MCM5: variants seen among roughly 807,000 people sequenced by gnomAD.
MCM5 encodes the protein DNA replication licensing factor MCM5.
MCM5 carries 46 observed loss-of-function variants against 79.9 expected under a neutral mutation model. That is an observed-to-expected ratio of 0.58 (90% CI 0.45 to 0.74). MCM5 has a LOEUF of 0.74. Among genes scored for constraint, MCM5 ranks in the 30% least tolerant of loss-of-function variants. The pLI is 0.00. For missense variants in MCM5, 883 were observed against 1,017.0 expected, an observed-to-expected ratio of 0.87 and a Z score of 1.79; for synonymous variants, 404 against 390.5, an observed-to-expected ratio of 1.03 and a Z score of -0.41.
chr22:35,449,568 G>A, the MCM5 span, among the ~76,000 whole-genome samples: 4 of 110,410 alleles, frequency 3.6e-5, no homozygotes, highest in African/African-American at 5.6e-5. Context: ...CTTTGTCCCA[G>A]CTGTGGCCTC....
intron 15 of MCM5, 82 bp from the exon 16 acceptor site, chr22:35,423,132 C>G (rs1932735836): frequency 2.1e-6 from 3 of 1,438,770 alleles, no homozygotes; most frequent in Non-Finnish European, 2.8e-6. Context: ...TCAGGCTGTT[C>G]TTCCTTGGGC....
intron 2 of MCM5, among the ~76,000 whole-genome samples, chr22:35,401,012 G>T (rs1932030795): frequency 6.6e-6 from 1 of 152,076 alleles, no homozygotes; most frequent in African/African-American, 2.4e-5. Flanking sequence ...TAGAGATGGG[G>T]TTTCGCCATG....
chr22:35,448,088 C>T, the MCM5 span, among the ~76,000 whole-genome samples: 1 of 152,158 alleles, frequency 6.6e-6, no homozygotes, highest in Non-Finnish European at 1.5e-5. Flanking sequence ...CTCATGTCTG[C>T]TGATGTTTAC....
chr22:35,406,017 AAAAAAAG>A (rs1366749344), intron 4 of MCM5, among the ~76,000 whole-genome samples: 13 of 152,104 alleles, frequency 8.5e-5, no homozygotes, highest in East Asian at 1.9e-4. Flanking sequence ...TCTCAAAAAA[AAAAAAAG>A]AAAAAAGAAA....
chr22:35,421,599 T>C (rs1249008923), intron 15 of MCM5, 139 bp downstream of exon 15: 2 of 1,228,464 alleles, frequency 1.6e-6, no homozygotes, highest in African/African-American at 3.0e-5. Flanking sequence ...TGAGTTTCTT[T>C]TTGCCATAAG....
chr22:35,411,199 A>T, intron 7 of MCM5: 1 of 253,010 alleles, frequency 4.0e-6, no homozygotes, highest in Non-Finnish European at 7.7e-6. Flanking sequence ...TGTGACAGGA[A>T]ATACAAGAGA....
At chr22:35,430,543 C>T in the MCM5 span, among the ~76,000 whole-genome samples, 3 of 150,378 alleles carry the variant, frequency 2.0e-5, no homozygotes, top group African/African-American at 7.3e-5. Flanking sequence ...CTCTGTCGCC[C>T]AGGCTAGAGT....
At chr22:35,446,836 T>TG in the MCM5 span, among the ~76,000 whole-genome samples, 2 of 7,808 alleles carry the variant, frequency 2.6e-4, no homozygotes, top group Non-Finnish European at 6.4e-4. Flanking sequence ...CTTTTCTGAA[T>TG]GGGGGGGTTT....
At chr22:35,438,154 C>T in the MCM5 span, among the ~76,000 whole-genome samples, 1 of 152,122 alleles carries the variant, frequency 6.6e-6, no homozygotes, top group Non-Finnish European at 1.5e-5. Context: ...AATAACCCTG[C>T]TCTTAGCCTG....
At chr22:35,425,755 C>T (rs767969565), downstream of MCM5, among the ~76,000 whole-genome samples, 1 of 151,914 alleles carries the variant, frequency 6.6e-6, no homozygotes, top group Non-Finnish European at 1.5e-5. Context: ...AAGGTCCTCC[C>T]GTCCTGCTTG....
chr22:35,424,365 A>C lies in MCM5; in HGVS notation c.*110A>C. 1 of 769,712 alleles carries C rather than the reference A, an allele frequency of 1.3e-6. No individual in the cohort carries two copies. Among genetic ancestry groups the C allele is most frequent in the South Asian group, 1.8e-5 (1 of 54,862 alleles). The allele number at this position is 769,712 out of a possible 1,614,324, so 47.7% of individuals were successfully genotyped here. A position where few individuals can be genotyped will look rare whatever the true frequency, so the allele number is the denominator to read the frequency against. On this transcript the variant is annotated 3_prime_UTR_variant, in exon 17 of 17. Transcript: ENST00000216122. ...TCTGCCTCCCCACTGCAGCCCTCGA[A>C]CTTCCCAGGCACCCTCCTTTCTGCC...
chr22:35,408,727 TCTCATC>T (rs1175954911), intron 6 of MCM5, among the ~76,000 whole-genome samples, 164 bp downstream of exon 6: 1 of 152,234 alleles, frequency 6.6e-6, no homozygotes, highest in East Asian at 1.9e-4. Context: ...CATAAGTTCC[TCTCATC>T]TCGTCTTTCC....
the MCM5 span, among the ~76,000 whole-genome samples, chr22:35,448,354 G>A: frequency 9.9e-5 from 15 of 151,968 alleles, no homozygotes; most frequent in South Asian, 2.1e-4. Flanking sequence ...CCTCTGGACC[G>A]TGGTGGGAGC....
In MCM5 at chr22:35,400,546, G is replaced by A. The variant is rs769944763; in HGVS notation, c.108G>A (p.Lys36=). ...AATCGCAGCTGCAGAGGCGCTTCAA[G>A]GAGTTCCTGCGGCAGTACCGAGTGG... The part of the protein sequence containing the change: ...ARKSQLQRRF[K]EFLRQYRVGT... Residue 36 remains lysine, a synonymous_variant, in exon 2 of 17, where the codon AAG becomes AAA. Transcript: ENST00000216122. 3.1e-6 allele frequency: 5 copies of A among 1,614,022 alleles called. No individual in the cohort carries two copies. Among genetic ancestry groups the A allele is most frequent in the Middle Eastern group, 1.7e-4 (1 of 6,060 alleles).
chr22:35,423,385 A>C, intron 16 of MCM5, 44 bp downstream of exon 16: 1 of 1,550,442 alleles, frequency 6.4e-7, no homozygotes, highest in East Asian at 2.4e-5. Flanking sequence ...CACGGGGTGC[A>C]GGTCTTCTGC....
chr22:35,406,601 G>C lies in MCM5; in HGVS notation c.472G>C (p.Ala158Pro), dbSNP rs765048936. The C allele has an allele frequency of 1.2e-5, 20 of 1,613,568 alleles. No individual in the cohort carries two copies. The highest frequency in any genetic ancestry group is 5.9e-6 in the Non-Finnish European group (7 of 1,180,016). The change falls in exon 5 of 17, where the codon GCC (alanine) becomes CCC (proline). Residue 158 changes from alanine (A) to proline (P), a missense_variant. Physicochemically the swap from Ala to Pro is conservative, Grantham distance 27 (BLOSUM62 -1). Around this residue, in one of 3 missense-constraint regions of MCM5, gnomAD observed 455 missense variants for 517.5 expected, o/e 0.88. Coordinates refer to ENST00000216122, the MANE Select transcript of MCM5 (RefSeq NM_006739.4). ...GAAGATCCCTGGCATCATCATCGCG[G>C]CCTCTGCGGTCCGTGCCAAGGCCAC... The part of the protein sequence containing the change: ...LVKIPGIIIA[A>P]SAVRAKATRI...
the MCM5 span, among the ~76,000 whole-genome samples, chr22:35,447,299 A>AT: frequency 1.3e-5 from 2 of 152,228 alleles, no homozygotes; most frequent in Admixed American, 1.3e-4. Context: ...CCCAGCCCAC[A>AT]TGAGGGTTCT....
In MCM5 at chr22:35,403,509, G is replaced by T. The variant is rs372421942; in HGVS notation, c.390G>T (p.Ser130=). ...AGGACATCCAGGTCATGCTCAAGTCGGACGCCAGCCCTTCCAGCATTCGTA... is the reference window on the plus strand; with the variant it reads ...AGGACATCCAGGTCATGCTCAAGTCTGACGCCAGCCCTTCCAGCATTCGTA... ...VLQDIQVMLK[S]DASPSSIRSL... is the part of the protein sequence containing the mutation. Residue 130 remains serine, a synonymous_variant, in exon 4 of 17, where the codon TCG becomes TCT. Transcript: ENST00000216122. The T allele has an allele frequency of 1.9e-6, 3 of 1,614,102 alleles. No homozygotes were observed. The highest frequency in any genetic ancestry group is 2.2e-5 in the East Asian group (1 of 44,884).
At chr22:35,453,819 T>TATATAGAGAGAGAGAG in the MCM5 span, among the ~76,000 whole-genome samples, 16 of 81,546 alleles carry the variant, frequency 2.0e-4, no homozygotes, top group African/African-American at 7.2e-4. Flanking sequence ...TATATATATA[T>TATATAGAGAGAGAGAG]AGAGAGAGAG....
Sources: allele counts gnomAD v4.1 joint callset (sites outside exome capture counted in the v4.1 genomes callset), GRCh38; gene constraint gnomAD v4.1.1; regional missense constraint gnomAD v4.1.1; transcripts MANE v1.5; gene names NCBI Gene and HGNC (gene_info 2026-07-23, HGNC 2026-07-21).